The following IL1RAPL2 variants were observed in gnomAD, a reference collection of about 807,000 sequenced individuals.
The protein encoded by IL1RAPL2 is interleukin 1 receptor accessory protein like 2.
IL1RAPL2 carries 3 observed loss-of-function variants against 44.1 expected under a neutral mutation model. The ratio of observed to expected loss-of-function variants is 0.07; its 90% CI spans 0.03 to 0.18. IL1RAPL2 has a LOEUF of 0.18. Among genes scored for constraint, IL1RAPL2 ranks in the 10% least tolerant of loss-of-function variants. The pLI is 1.00. For synonymous variants in IL1RAPL2, 181 were observed against 178.8 expected (o/e 1.01, Z -0.10); for missense variants, 391 against 496.4 (o/e 0.79, Z 2.02).
chrX:104,775,654 C>T (rs1932706825), intron 2 of IL1RAPL2, among the ~76,000 whole-genome samples: 1 of 111,289 alleles, frequency 9.0e-6, no homozygotes. Flanking sequence ...TGAAGATGAA[C>T]CATCTCTGCA....
At chrX:104,887,582 C>T (rs1380884535) in intron 2 of IL1RAPL2, among the ~76,000 whole-genome samples, 1 of 111,529 alleles carries the variant, frequency 9.0e-6, no homozygotes, top group Non-Finnish European at 1.9e-5. Context: ...AAGTTTATGG[C>T]TATCAGACAC....
At chrX:105,379,123 T>TG (rs2035410032) in intron 5 of IL1RAPL2, among the ~76,000 whole-genome samples, 1 of 111,603 alleles carries the variant, frequency 9.0e-6, no homozygotes, top group Non-Finnish European at 1.9e-5. Context: ...CAGTATTCTA[T>TG]GGGGGGTCGA....
chrX:105,615,760 G>T (rs963907510), intron 6 of IL1RAPL2, among the ~76,000 whole-genome samples: 2 of 111,958 alleles, frequency 1.8e-5, no homozygotes, highest in African/African-American at 6.5e-5. Context: ...CCTAGTATTT[G>T]CTAGCACAAC....
intron 2 of IL1RAPL2, among the ~76,000 whole-genome samples, chrX:105,038,792 T>G (rs952446379): frequency 9.0e-6 from 1 of 110,982 alleles, no homozygotes; most frequent in South Asian, 3.8e-4. Context: ...TGTCTCCTGG[T>G]GCTAGAGGAT....
At chrX:104,577,352 A>G (rs1318024367) in intron 1 of IL1RAPL2, among the ~76,000 whole-genome samples, 1 of 111,858 alleles carries the variant, frequency 8.9e-6, no homozygotes, top group Non-Finnish European at 1.9e-5. Flanking sequence ...TCATGACTTT[A>G]TAAGTGAAAA....
intron 6 of IL1RAPL2, among the ~76,000 whole-genome samples, chrX:105,594,936 T>C (rs1321910417): frequency 9.0e-6 from 1 of 111,640 alleles, no homozygotes; most frequent in African/African-American, 3.3e-5. Flanking sequence ...TAAAGGGTAC[T>C]ATGCTCACTA....
At chrX:105,561,410 G>T (rs1232310276) in intron 6 of IL1RAPL2, among the ~76,000 whole-genome samples, 2 of 111,501 alleles carry the variant, frequency 1.8e-5, no homozygotes, top group Non-Finnish European at 3.8e-5. Flanking sequence ...AATCTTATTT[G>T]ATCTATATTT....
chrX:104,947,278 G>T (rs1267613955), intron 2 of IL1RAPL2, among the ~76,000 whole-genome samples: 2 of 105,929 alleles, frequency 1.9e-5, no homozygotes, highest in Non-Finnish European at 3.9e-5. Flanking sequence ...TTTTTTTCTT[G>T]TAAATTTGTT....
intron 2 of IL1RAPL2, among the ~76,000 whole-genome samples, chrX:105,059,446 A>G (rs1234053577): frequency 8.9e-6 from 1 of 112,435 alleles, no homozygotes; most frequent in Non-Finnish European, 1.9e-5. Flanking sequence ...GTTGTTGCAA[A>G]TGACAGGATC....
At chrX:104,765,096 A>G (rs1204470271) in intron 2 of IL1RAPL2, among the ~76,000 whole-genome samples, 1 of 111,910 alleles carries the variant, frequency 8.9e-6, no homozygotes, top group Non-Finnish European at 1.9e-5. Context: ...CTCTTCCTGT[A>G]TTTTTTGTAA....
intron 4 of IL1RAPL2, among the ~76,000 whole-genome samples, chrX:105,243,605 ATT>A (rs1302757097): frequency 3.1e-5 from 3 of 97,400 alleles, no homozygotes; most frequent in African/African-American, 1.2e-4. Flanking sequence ...ATATATATAT[ATT>A]TTTTTTTTAC....
chrX:104,810,624 G>C (rs778534155), intron 2 of IL1RAPL2, among the ~76,000 whole-genome samples: 1 of 111,125 alleles, frequency 9.0e-6, no homozygotes, highest in African/African-American at 3.3e-5. Flanking sequence ...GATGATATGC[G>C]TAACAAAAAA....
chrX:105,570,785 T>TA (rs2037009269), intron 6 of IL1RAPL2, among the ~76,000 whole-genome samples: 1 of 111,640 alleles, frequency 9.0e-6, no homozygotes, highest in African/African-American at 3.3e-5. Flanking sequence ...GAAAGGAAGA[T>TA]ATTTGATATG....
chrX:105,555,955 A>G (rs1381441528), intron 6 of IL1RAPL2, among the ~76,000 whole-genome samples: 1 of 111,902 alleles, frequency 8.9e-6, no homozygotes, highest in Non-Finnish European at 1.9e-5. Flanking sequence ...TCTCATTTGC[A>G]TGTTGTGCCT....
chrX:105,230,257 T>G (rs1556194297), intron 3 of IL1RAPL2, among the ~76,000 whole-genome samples: 1 of 110,884 alleles, frequency 9.0e-6, no homozygotes, highest in African/African-American at 3.3e-5. Flanking sequence ...TGTATCTTTT[T>G]GATCCTCTCA....
chrX:105,649,379 C>A (rs2147842582), intron 6 of IL1RAPL2, among the ~76,000 whole-genome samples: 1 of 111,464 alleles, frequency 9.0e-6, no homozygotes, highest in East Asian at 2.8e-4. Context: ...TTTAAATTGT[C>A]AAGTAAAGAT....
chrX:105,503,390 T>C (rs1464892381), intron 6 of IL1RAPL2, among the ~76,000 whole-genome samples: 2 of 111,710 alleles, frequency 1.8e-5, no homozygotes, highest in Non-Finnish European at 3.8e-5. Context: ...GCTACCACAT[T>C]ACACAATGTT....
intron 6 of IL1RAPL2, among the ~76,000 whole-genome samples, chrX:105,665,737 T>G (rs2037758016): frequency 2.3e-5 from 2 of 88,040 alleles, no homozygotes; most frequent in African/African-American, 1.0e-4. Context: ...TTTTTTTGTT[T>G]TTTTGTTTTT....
At chrX:105,567,159 G>T (rs1212783840) in intron 6 of IL1RAPL2, among the ~76,000 whole-genome samples, 2 of 111,554 alleles carry the variant, frequency 1.8e-5, no homozygotes, top group Non-Finnish European at 3.8e-5. Flanking sequence ...CTAAGAGCTA[G>T]AACTTAGAAC....
Sources: allele counts gnomAD v4.1 joint callset (sites outside exome capture counted in the v4.1 genomes callset), GRCh38; gene constraint gnomAD v4.1.1; transcripts MANE v1.5; gene names NCBI Gene and HGNC (gene_info 2026-07-23, HGNC 2026-07-21).